SLC44A5: variants seen among roughly 807,000 people sequenced by gnomAD.
SLC44A5 encodes the protein choline transporter-like protein 5.
In SLC44A5, 57 loss-of-function variants were observed where a neutral mutation model predicts 101.8. That is an observed-to-expected ratio of 0.56 (90% CI 0.45 to 0.70). SLC44A5 has a LOEUF of 0.70. Ranked by LOEUF, SLC44A5 falls within the 30% of genes least tolerant of loss-of-function variation. The probability of loss-of-function intolerance (pLI) is 0.00; values close to 1 mark genes in which losing one functional copy is unlikely to be tolerated. For synonymous variants in SLC44A5, 281 were observed against 290.9 expected, an observed-to-expected ratio of 0.97 and a Z score of 0.35; for missense variants, 737 against 853.1, an observed-to-expected ratio of 0.86 and a Z score of 1.70.
At chr1:75,545,561 AT>A (rs1186386950) in intron 1 of SLC44A5, among the ~76,000 whole-genome samples, 3 of 152,148 alleles carry the variant, frequency 2.0e-5, no homozygotes, top group Non-Finnish European at 2.9e-5. Flanking sequence ...TCATACCTCA[AT>A]TTATCTCATC....
the SLC44A5 span, among the ~76,000 whole-genome samples, chr1:75,700,500 G>A: frequency 6.6e-6 from 1 of 152,074 alleles, no homozygotes; most frequent in Non-Finnish European, 1.5e-5. Context: ...GGGACACATT[G>A]AAAGCAGTGT....
chr1:75,491,381 T>C (rs996954057), intron 2 of SLC44A5, among the ~76,000 whole-genome samples: 4 of 152,084 alleles, frequency 2.6e-5, no homozygotes, highest in African/African-American at 9.7e-5. Flanking sequence ...AATTAACCAA[T>C]CCAGGAAACT....
At chr1:75,542,352 T>C (rs1671401839) in intron 1 of SLC44A5, among the ~76,000 whole-genome samples, 1 of 152,168 alleles carries the variant, frequency 6.6e-6, no homozygotes, top group African/African-American at 2.4e-5. Flanking sequence ...TTGCTTTTTT[T>C]GCATTTAATA....
In SLC44A5 at chr1:75,547,043, G is replaced by A. The variant is rs539908609; in HGVS notation, c.-69-5527C>T. ...ATGAAAGAATAATGAAATCATTCAT[G>A]TTTTATGAAAAGTTTATAGGAATGG... On this transcript the variant is annotated intron_variant, in intron 1 of 23. Transcript: ENST00000370859. Among the ~76,000 whole-genome samples, 1,037 of 152,240 alleles carry A rather than the reference G, an allele frequency of 6.8e-3. 9 individuals are homozygous for A. The highest frequency in any genetic ancestry group is 0.021 in the African/African-American group (881 of 41,552).
the SLC44A5 span, among the ~76,000 whole-genome samples, chr1:75,664,215 A>G: frequency 6.6e-6 from 1 of 152,186 alleles, no homozygotes; most frequent in Non-Finnish European, 1.5e-5. Context: ...GAATAGGCAA[A>G]AACTGGGAGC....
Position 75,404,462 on chromosome 1 carries a change from C to T in SLC44A5, c.14-7841G>A, listed in dbSNP as rs144593806. Among the ~76,000 whole-genome samples, 83 of 152,256 alleles carry T rather than the reference C, an allele frequency of 5.5e-4. 2 individuals are homozygous for T. In the East Asian group the frequency reaches 0.015, roughly 28 times the overall value. On this transcript the variant is annotated intron_variant, in intron 2 of 23. Transcript: ENST00000370859. ...GCAGCCAGAGCAAAAGGTCAGGTTA[C>T]CCACAAAGGTAAGCCCATCAGACTA...
Position 75,203,613 on chromosome 1 carries a change from C to G in SLC44A5, c.*114G>C. On this transcript the variant is annotated 3_prime_UTR_variant, in exon 24 of 24. Coordinates refer to ENST00000370859, the MANE Select transcript of SLC44A5 (RefSeq NM_001130058.2). ...TATAAAACATGCAAATGCAAGCCAA[C>G]AAGGTCGTGAATACAGTGTTGCTAA... is the stretch of plus-strand genomic sequence containing the variant. The G allele has an allele frequency of 7.8e-7, 1 of 1,280,578 alleles. No individual in the cohort carries two copies. Among genetic ancestry groups the G allele is most frequent in the Non-Finnish European group, 1.0e-6 (1 of 960,366 alleles). The allele number at this position is 1,280,578 out of a possible 1,614,324, so 79.3% of individuals were successfully genotyped here.
chr1:75,501,926 C>T (rs142990484), intron 2 of SLC44A5, among the ~76,000 whole-genome samples: 3,193 of 152,232 alleles, frequency 0.021, 121 homozygotes, highest in African/African-American at 0.073. Flanking sequence ...TCTGTCTAGG[C>T]ACACATGTGC....
At chr1:75,283,550 C>T (rs1230658583) in intron 5 of SLC44A5, among the ~76,000 whole-genome samples, 1 of 152,020 alleles carries the variant, frequency 6.6e-6, no homozygotes, top group South Asian at 2.1e-4. Context: ...CTTGTGGGTT[C>T]TTGGTCATGA....
chr1:75,257,888 G>T (rs539379603), intron 6 of SLC44A5, among the ~76,000 whole-genome samples: 2 of 152,220 alleles, frequency 1.3e-5, no homozygotes, highest in South Asian at 4.1e-4. Context: ...AGTGGGTGTA[G>T]CCCAGGGAGG....
chr1:75,491,884 T>A (rs1375984119), intron 2 of SLC44A5, among the ~76,000 whole-genome samples: 1 of 152,220 alleles, frequency 6.6e-6, no homozygotes, highest in Non-Finnish European at 1.5e-5. Context: ...AAACATTTTT[T>A]ATGATTGCAA....
intron 7 of SLC44A5, among the ~76,000 whole-genome samples, chr1:75,244,208 T>C (rs533736441): frequency 2.0e-5 from 3 of 152,182 alleles, no homozygotes; most frequent in South Asian, 4.1e-4. Flanking sequence ...GACACTAACC[T>C]TACTCAGAGC....
intron 3 of SLC44A5, among the ~76,000 whole-genome samples, chr1:75,388,849 C>T (rs942110747): frequency 5.9e-5 from 9 of 151,512 alleles, no homozygotes; most frequent in South Asian, 2.1e-4. Context: ...AAACACCCCA[C>T]TAAAAGGCAT....
At chr1:75,255,047 T>G (rs2100662720) in intron 6 of SLC44A5, among the ~76,000 whole-genome samples, 1 of 152,270 alleles carries the variant, frequency 6.6e-6, no homozygotes, top group East Asian at 1.9e-4. Context: ...AGCCAGTGCC[T>G]GACATCCAGC....
chr1:75,686,942 A>C, the SLC44A5 span, among the ~76,000 whole-genome samples: 1 of 152,352 alleles, frequency 6.6e-6, no homozygotes, highest in East Asian at 1.9e-4. Flanking sequence ...GGATGATTCC[A>C]AGGTTGTTTA....
chr1:75,586,365 A>ATG, intron 1 of SLC44A5, among the ~76,000 whole-genome samples: 1 of 59,638 alleles, frequency 1.7e-5, no homozygotes, highest in Admixed American at 2.1e-4. Context: ...TTCTGTATGT[A>ATG]TATATGTGTG....
intron 3 of SLC44A5, among the ~76,000 whole-genome samples, chr1:75,390,526 T>C (rs893186466): frequency 6.6e-6 from 1 of 151,846 alleles, no homozygotes; most frequent in African/African-American, 2.4e-5. Context: ...CATGAATCAA[T>C]AAATGTGACT....
the SLC44A5 span, among the ~76,000 whole-genome samples, chr1:75,703,675 G>T: frequency 7.0e-6 from 1 of 143,304 alleles, no homozygotes. Flanking sequence ...AAAAAAAAAA[G>T]AATCTGAAAA....
the SLC44A5 span, among the ~76,000 whole-genome samples, chr1:75,685,295 C>G: frequency 2.6e-5 from 4 of 152,146 alleles, no homozygotes; most frequent in South Asian, 2.1e-4. Context: ...GAAACATTTT[C>G]CCCATTGTCT....
Sources: allele counts gnomAD v4.1 joint callset (sites outside exome capture counted in the v4.1 genomes callset), GRCh38; gene constraint gnomAD v4.1.1; transcripts MANE v1.5; gene names NCBI Gene and HGNC (gene_info 2026-07-23, HGNC 2026-07-21).